The following P2RY2 variants were observed in gnomAD, a reference collection of about 807,000 sequenced individuals.
P2RY2 encodes P2Y purinoceptor 2.
For synonymous variants in P2RY2, 241 were observed against 231.9 expected, an observed-to-expected ratio of 1.04 and a Z score of -0.35; for missense variants, 567 against 515.7, an observed-to-expected ratio of 1.10 and a Z score of -0.96.
Position 73,235,293 on chromosome 11 carries a change from G to A in P2RY2, c.1134G>A (p.Ter378=), listed in dbSNP as rs749119899. 3 of 1,545,018 alleles carry A rather than the reference G, an allele frequency of 1.9e-6. No individual in the cohort carries two copies. Among genetic ancestry groups the A allele is most frequent in the Non-Finnish European group, 2.6e-6 (3 of 1,144,850 alleles). The change falls in exon 3 of 3, where the codon TAG becomes TAA. Residue 378 remains the stop codon, a stop_retained_variant. Coordinates refer to ENST00000393597, the MANE Select transcript of P2RY2 (RefSeq NM_002564.4). ...GSENTKDIRL[*] ...AGAACACTAAGGACATTCGGCTGTA[G>A]GAGCAGAACACTTCAGCCTGTGCAG...
intron 2 of P2RY2, among the ~76,000 whole-genome samples, chr11:73,230,125 C>T (rs1177366540): frequency 1.3e-5 from 2 of 152,054 alleles, no homozygotes; most frequent in Non-Finnish European, 2.9e-5. Flanking sequence ...AAGGGGGCCT[C>T]TCCTTGCTCC....
Position 73,236,689 on chromosome 11 carries a change from T to C in P2RY2, c.*1396T>C. 1.0e-6 allele frequency: 1 copy of C among 985,376 alleles called. No individual in the cohort carries two copies. The highest frequency in any genetic ancestry group is 4.7e-5 in the South Asian group (1 of 21,286). The allele number at this position is 985,376 out of a possible 1,614,324, so 61.0% of individuals were successfully genotyped here. A position where few individuals can be genotyped will look rare whatever the true frequency, so the allele number is the denominator to read the frequency against. On this transcript the variant is annotated 3_prime_UTR_variant, in exon 3 of 3. Coordinates refer to ENST00000393597, the MANE Select transcript of P2RY2 (RefSeq NM_002564.4). ...CTTGCCCTGACCCTGAGGCTTCCTT[T>C]GCACTGGGGGTAAATATGAAAGAGA...
chr11:73,224,458 A>C (rs1862219033), intron 1 of P2RY2, among the ~76,000 whole-genome samples: 1 of 152,122 alleles, frequency 6.6e-6, no homozygotes, highest in Non-Finnish European at 1.5e-5. Context: ...CAATCCTGTT[A>C]GGGGCCTCCT....
At chr11:73,227,006 T>G (rs533352204) in intron 1 of P2RY2, among the ~76,000 whole-genome samples, 1 of 152,126 alleles carries the variant, frequency 6.6e-6, no homozygotes, top group Non-Finnish European at 1.5e-5. Context: ...GGTATACACA[T>G]GCCCTGGTGG....
chr11:73,235,543 G>A lies in P2RY2; in HGVS notation c.*250G>A. ...GTTTCAAGAAAGGCAAGAGCTCAAG[G>A]TCAATGACACCCCTGGCCTGACTCC... is the stretch of plus-strand genomic sequence containing the variant. On this transcript the variant is annotated 3_prime_UTR_variant, in exon 3 of 3. Coordinates refer to ENST00000393597, the MANE Select transcript of P2RY2 (RefSeq NM_002564.4). 3 of 1,238,660 alleles carry A rather than the reference G, an allele frequency of 2.4e-6. No homozygotes were observed. Among genetic ancestry groups the A allele is most frequent in the Non-Finnish European group, 3.1e-6 (3 of 982,374 alleles). The allele number at this position is 1,238,660 out of a possible 1,614,324, so 76.7% of individuals were successfully genotyped here.
chr11:73,222,003 T>G (rs960673052), intron 1 of P2RY2, among the ~76,000 whole-genome samples: 4 of 152,162 alleles, frequency 2.6e-5, no homozygotes, highest in African/African-American at 9.7e-5. Context: ...CCCCATCTCC[T>G]AGGCCTGAGT....
Position 73,236,592 on chromosome 11 carries a change from G to T in P2RY2, c.*1299G>T. 3.0e-6 allele frequency: 3 copies of T among 985,430 alleles called. No homozygotes were observed. The highest frequency in any genetic ancestry group is 3.6e-6 in the Non-Finnish European group (3 of 829,932). 61.0% of individuals were successfully genotyped at this position (985,430 alleles called of 1,614,324 possible). ...CAGGGTGTGCATGAGCCATAAGCAGGCTGGACAGCTGACTCCAGGCTCAAG... is the reference window on the plus strand; with the variant it reads ...CAGGGTGTGCATGAGCCATAAGCAGTCTGGACAGCTGACTCCAGGCTCAAG... On this transcript the variant is annotated 3_prime_UTR_variant, in exon 3 of 3. Coordinates refer to ENST00000393597, the MANE Select transcript of P2RY2 (RefSeq NM_002564.4).
At chr11:73,219,826 A>G (rs1481757498) in intron 1 of P2RY2, among the ~76,000 whole-genome samples, 2 of 152,124 alleles carry the variant, frequency 1.3e-5, no homozygotes, top group African/African-American at 4.8e-5. Flanking sequence ...TCAACTGGAG[A>G]ACTACCCAGA....
chr11:73,235,871 G>A lies in P2RY2; in HGVS notation c.*578G>A, dbSNP rs774207121. The A allele has an allele frequency of 9.0e-6, 9 of 1,000,458 alleles. No homozygotes were observed. The highest frequency in any genetic ancestry group is 1.1e-5 in the Non-Finnish European group (9 of 830,136). The allele number at this position is 1,000,458 out of a possible 1,614,324, so 62.0% of individuals were successfully genotyped here. ...ACTAATATCATAGACCCATCTGGAG[G>A]CTCCCATGGGCTAGGAGCCAGTGTG... On this transcript the variant is annotated 3_prime_UTR_variant, in exon 3 of 3. Coordinates refer to ENST00000393597, the MANE Select transcript of P2RY2 (RefSeq NM_002564.4).
intron 2 of P2RY2, among the ~76,000 whole-genome samples, chr11:73,231,108 C>A (rs538391785): frequency 6.6e-6 from 1 of 152,180 alleles, no homozygotes; most frequent in Non-Finnish European, 1.5e-5. Context: ...TAAGCATCTC[C>A]CGGCCTCCTC....
At position 73,238,496 on chromosome 11, in the gene P2RY2, C is replaced by G. The variant is rs931257059; in HGVS notation, c.*3203C>G. 6.6e-6 allele frequency among the ~76,000 whole-genome samples: 1 copy of G among 152,184 alleles called. No individual in the cohort carries two copies. The highest frequency in any genetic ancestry group is 1.5e-5 in the Non-Finnish European group (1 of 68,034). ...TTATCCACACATGGTTGCTCCAGGT[C>G]AAGTCACCAAAGCTACCTCTCTGTC... On this transcript the variant is annotated 3_prime_UTR_variant, in exon 3 of 3. Coordinates refer to ENST00000393597, the MANE Select transcript of P2RY2 (RefSeq NM_002564.4).
chr11:73,232,647 G>A (rs1404894431), intron 2 of P2RY2, among the ~76,000 whole-genome samples: 1 of 152,118 alleles, frequency 6.6e-6, no homozygotes, highest in Non-Finnish European at 1.5e-5. Flanking sequence ...GGCCTCAAGT[G>A]ATCCACCCGC....
rs773327060 is a variant in P2RY2, at chr11:73,234,508, C to A, written c.349C>A (p.Leu117Ile). The stretch of plus-strand genomic sequence containing the variant: ...GGTGCGCTTCCTCTTCTACACCAAC[C>A]TTTACTGCAGCATCCTCTTCCTCAC... ...KLVRFLFYTN[L>I]YCSILFLTCI... The change falls in exon 3 of 3, where the codon CTT (leucine) becomes ATT (isoleucine). Residue 117 changes from leucine (L) to isoleucine (I), a missense_variant. Leu to Ile is a conservative substitution (Grantham distance 5). Coordinates refer to ENST00000393597, the MANE Select transcript of P2RY2 (RefSeq NM_002564.4). The A allele has an allele frequency of 3.7e-6, 6 of 1,613,224 alleles. No individual in the cohort carries two copies. In the African/African-American group the frequency reaches 4.0e-5, roughly 11 times the overall value.
intron 1 of P2RY2, among the ~76,000 whole-genome samples, chr11:73,221,554 C>G (rs1862114739): frequency 6.6e-6 from 1 of 152,172 alleles, no homozygotes; most frequent in South Asian, 2.1e-4. Flanking sequence ...CCAGACCTGC[C>G]CACGGGACCA....
At chr11:73,223,686 G>A (rs970781077) in intron 1 of P2RY2, among the ~76,000 whole-genome samples, 9 of 152,146 alleles carry the variant, frequency 5.9e-5, no homozygotes, top group African/African-American at 1.9e-4. Context: ...TCTTGAAGCT[G>A]GAGGCATTTG....
rs1862714059 is a variant in P2RY2, at chr11:73,238,791, C to T, written c.*3498C>T. Reference sequence around the variant, plus strand: ...TTCACCTGATGGCCAGAATCATGCCCTTTATAGTGCCCCACGACACTCACA... The same window carrying T: ...TTCACCTGATGGCCAGAATCATGCCTTTTATAGTGCCCCACGACACTCACA... On this transcript the variant is annotated 3_prime_UTR_variant, in exon 3 of 3. Transcript: ENST00000393597. Among the ~76,000 whole-genome samples the T allele has an allele frequency of 6.6e-6, 1 of 152,212 alleles. No homozygotes were observed. The highest frequency in any genetic ancestry group is 6.5e-5 in the Admixed American group (1 of 15,284).
At chr11:73,233,364 G>A (rs1168469683) in intron 2 of P2RY2, among the ~76,000 whole-genome samples, 1 of 152,258 alleles carries the variant, frequency 6.6e-6, no homozygotes, top group Non-Finnish European at 1.5e-5. Context: ...TGGGCCCAGA[G>A]CCTCCCAGAG....
chr11:73,234,235 C>G lies in P2RY2; in HGVS notation c.76C>G (p.Arg26Gly), dbSNP rs535557969. 3 of 1,614,154 alleles carry G rather than the reference C, an allele frequency of 1.9e-6. No homozygotes were observed. The highest frequency in any genetic ancestry group is 1.3e-5 in the African/African-American group (1 of 75,030). ...WDGDELGYRC[R>G]FNEDFKYVLL... is the part of the protein sequence containing the mutation. Reference sequence around the variant, plus strand: ...TGGGGATGAGCTGGGCTACAGGTGCCGCTTCAACGAGGACTTCAAGTACGT... The same window carrying G: ...TGGGGATGAGCTGGGCTACAGGTGCGGCTTCAACGAGGACTTCAAGTACGT... Residue 26 changes from arginine (R) to glycine (G), a missense_variant, in exon 3 of 3, where the codon CGC becomes GGC. Arg to Gly is a moderately radical substitution (Grantham distance 125). Coordinates refer to ENST00000393597, the MANE Select transcript of P2RY2 (RefSeq NM_002564.4).
intron 1 of P2RY2, among the ~76,000 whole-genome samples, chr11:73,223,241 AT>A (rs1472434948): frequency 2.0e-5 from 3 of 152,078 alleles, no homozygotes; most frequent in African/African-American, 4.8e-5. Flanking sequence ...TGATGCTTTC[AT>A]CCCCCTTTCC....
Sources: allele counts gnomAD v4.1 joint callset (sites outside exome capture counted in the v4.1 genomes callset), GRCh38; gene constraint gnomAD v4.1.1; transcripts MANE v1.5; gene names NCBI Gene and HGNC (gene_info 2026-07-23, HGNC 2026-07-21).